The following PLEKHH2 variants were observed in gnomAD, a reference collection of about 807,000 sequenced individuals.
The protein encoded by PLEKHH2 is pleckstrin homology, MyTH4 and FERM domain containing H2.
A neutral mutation model predicts 187.9 loss-of-function variants in PLEKHH2; 129 were observed. The ratio of observed to expected loss-of-function variants is 0.69; its 90% CI spans 0.59 to 0.79. PLEKHH2 has a LOEUF of 0.79. Ranked by LOEUF, PLEKHH2 falls within the 30% of genes least tolerant of loss-of-function variation. The probability of loss-of-function intolerance (pLI) is 0.00; values close to 1 mark genes in which losing one functional copy is unlikely to be tolerated. For missense variants in PLEKHH2, 2,076 were observed against 1,751.2 expected (o/e 1.19, Z -3.31); for synonymous variants, 686 against 605.6 (o/e 1.13, Z -1.95).
At chr2:43,678,770 GGAGGTAGAATTAT>G (rs1668006936) in intron 2 of PLEKHH2, 80 bp from the exon 3 acceptor site, 2 of 913,978 alleles carry the variant, frequency 2.2e-6, no homozygotes, top group East Asian at 5.0e-5. Flanking sequence ...AGGTGGAGGT[GGAGGTAGAATTAT>G]GAGATTTTTA....
chr2:43,722,709 T>A (rs1670541069), intron 16 of PLEKHH2, among the ~76,000 whole-genome samples: 1 of 152,210 alleles, frequency 6.6e-6, no homozygotes, highest in African/African-American at 2.4e-5. Flanking sequence ...AATAATTATC[T>A]GTGATCACAG....
At chr2:43,638,087 G>A (rs1053575882) in intron 1 of PLEKHH2, among the ~76,000 whole-genome samples, 1 of 152,198 alleles carries the variant, frequency 6.6e-6, no homozygotes, top group African/African-American at 2.4e-5. Flanking sequence ...AGCCTGGCCC[G>A]CACAGCGGTG....
chr2:43,710,548 A>T lies in PLEKHH2; in HGVS notation c.2274A>T (p.Leu758Phe). 1 of 1,595,960 alleles carries T rather than the reference A, an allele frequency of 6.3e-7. No homozygotes were observed. Among genetic ancestry groups the T allele is most frequent in the African/African-American group, 1.4e-5 (1 of 73,286 alleles). Residue 758 changes from leucine to phenylalanine, a missense_variant, in exon 14 of 30, where the codon TTA becomes TTT. By Grantham distance (22) the Leu-to-Phe change is conservative. Coordinates refer to ENST00000282406, the MANE Select transcript of PLEKHH2 (RefSeq NM_172069.4). ...AACTTAGTGCATCCTGTAGTATTTT[A>T]AGAGGAGATAACAAACAAACAGTTC... ...HIELSASCSI[L>F]RGDNKQTVQL... is the part of the protein sequence containing the mutation.
chr2:43,733,279 C>G (rs1457666973), intron 19 of PLEKHH2, among the ~76,000 whole-genome samples: 3 of 150,812 alleles, frequency 2.0e-5, no homozygotes, highest in Non-Finnish European at 4.4e-5. Flanking sequence ...AGGAGAATCA[C>G]TTGAACCTAG....
chr2:43,762,811 T>C (rs1243044698), intron 28 of PLEKHH2, among the ~76,000 whole-genome samples: 2 of 152,360 alleles, frequency 1.3e-5, no homozygotes, highest in South Asian at 2.1e-4. Context: ...GTCATTTATA[T>C]AGCATCTTAG....
rs180970030 is a variant in PLEKHH2, at chr2:43,657,328, G to A, written c.123+12532G>A. On this transcript the variant is annotated intron_variant, in intron 2 of 29. Transcript: ENST00000282406. ...CAAGTAGTTGGGATTACAGGTGCAC[G>A]CCGCCACACCTTGATTTCACTCACA... is the stretch of plus-strand genomic sequence containing the variant. Among the ~76,000 whole-genome samples, 136 of 152,228 alleles carry A rather than the reference G, an allele frequency of 8.9e-4. No individual in the cohort carries two copies. In the East Asian group the frequency reaches 0.016, roughly 18 times the overall value.
At chr2:43,729,599 T>G (rs1347327137) in intron 17 of PLEKHH2, 38 bp from the exon 18 acceptor site, 1 of 1,363,960 alleles carries the variant, frequency 7.3e-7, no homozygotes, top group Non-Finnish European at 9.9e-7. Flanking sequence ...TAATCAAAAC[T>G]GTGTCTTAAC....
In PLEKHH2 at chr2:43,766,237, C is replaced by A. The variant is rs1672616902; in HGVS notation, c.*639C>A. Reference sequence around the variant, plus strand: ...AAAGTATACCGTCACCTTTTCACATCACTGGAGTGTAAAATTTAAAACAAG... The same window carrying A: ...AAAGTATACCGTCACCTTTTCACATAACTGGAGTGTAAAATTTAAAACAAG... On this transcript the variant is annotated 3_prime_UTR_variant, in exon 30 of 30. Coordinates refer to ENST00000282406, the MANE Select transcript of PLEKHH2 (RefSeq NM_172069.4). 6.5e-6 allele frequency: 1 copy of A among 152,778 alleles called. No homozygotes were observed. The highest frequency in any genetic ancestry group is 2.4e-5 in the African/African-American group (1 of 41,442). The allele number at this position is 152,778 out of a possible 1,614,324, so 9.5% of individuals were successfully genotyped here.
intron 24 of PLEKHH2, among the ~76,000 whole-genome samples, chr2:43,753,211 G>A (rs762450782): frequency 1.3e-5 from 2 of 152,098 alleles, no homozygotes; most frequent in Non-Finnish European, 2.9e-5. Context: ...GAACATTTAA[G>A]GATTTGGTGT....
At chr2:43,658,160 T>C (rs922166632) in intron 2 of PLEKHH2, among the ~76,000 whole-genome samples, 1 of 152,218 alleles carries the variant, frequency 6.6e-6, no homozygotes, top group African/African-American at 2.4e-5. Context: ...ACAGGGAGTG[T>C]ACTTTTATCT....
intron 3 of PLEKHH2, among the ~76,000 whole-genome samples, chr2:43,682,957 C>A (rs550478037): frequency 6.6e-6 from 1 of 151,954 alleles, no homozygotes; most frequent in East Asian, 1.9e-4. Flanking sequence ...CACACACACA[C>A]ACACAATTTG....
rs1451033684 is a variant in PLEKHH2 at position 43,692,635 on chromosome 2, A to C, written c.308A>C (p.Gln103Pro). The C allele has an allele frequency of 6.2e-7, 1 of 1,613,394 alleles. No homozygotes were observed. The highest frequency in any genetic ancestry group is 8.5e-7 in the Non-Finnish European group (1 of 1,179,778). ...ATACAGGAAAAAGATGACGTCATTC[A>C]AAACTTGGAATTGCAACTTGAAGAG... ...SLIQEKDDVI[Q>P]NLELQLEEQK... Residue 103 changes from glutamine (Q) to proline (P), a missense_variant, in exon 4 of 30, where the codon CAA becomes CCA. Coordinates refer to ENST00000282406, the MANE Select transcript of PLEKHH2 (RefSeq NM_172069.4).
In PLEKHH2 at chr2:43,710,007, G is replaced by A. The variant is rs188452228; in HGVS notation, c.1984G>A (p.Val662Met). The stretch of plus-strand genomic sequence containing the variant: ...TCTCTTAGGTGTGTCTCTCTCCTCT[G>A]TGGCTTCTGAAAGTGATTATGCTAT... ...AMKRGVSLSSVASESDYAIPP... is the reference protein window; with the variant it reads ...AMKRGVSLSSMASESDYAIPP... Residue 662 changes from valine to methionine, a missense_variant, in exon 12 of 30, where the codon GTG becomes ATG. Coordinates refer to ENST00000282406, the MANE Select transcript of PLEKHH2 (RefSeq NM_172069.4). The A allele has an allele frequency of 1.2e-4, 197 of 1,611,784 alleles. 1 individual carries two copies. Among genetic ancestry groups the A allele is most frequent in the Middle Eastern group, 6.6e-4 (4 of 6,072 alleles).
chr2:43,742,993 C>G, intron 22 of PLEKHH2, 75 bp downstream of exon 22: 2 of 1,207,486 alleles, frequency 1.7e-6, no homozygotes, highest in Non-Finnish European at 2.2e-6. Context: ...AGAGACTTCT[C>G]TGCTTACTTT....
At chr2:43,695,283 T>G (rs1669032059) in intron 6 of PLEKHH2, 59 bp downstream of exon 6, 2 of 926,378 alleles carry the variant, frequency 2.2e-6, no homozygotes, top group Non-Finnish European at 3.1e-6. Flanking sequence ...AGGCTTTTAC[T>G]TTTTTTGATG....
intron 2 of PLEKHH2, among the ~76,000 whole-genome samples, chr2:43,655,701 G>A (rs113381782): frequency 3.3e-5 from 5 of 152,302 alleles, no homozygotes; most frequent in African/African-American, 4.8e-5. Flanking sequence ...CTAAGGTTGT[G>A]TGGGGATGGG....
At chr2:43,660,446 T>C (rs1202455333) in intron 2 of PLEKHH2, among the ~76,000 whole-genome samples, 1 of 146,820 alleles carries the variant, frequency 6.8e-6, no homozygotes, top group East Asian at 1.9e-4. Flanking sequence ...TTTTTTTTTT[T>C]TTTTTTTTGC....
At chr2:43,712,093 A>G (rs1306346579) in intron 14 of PLEKHH2, 132 bp from the exon 15 acceptor site, 8 of 1,333,068 alleles carry the variant, frequency 6.0e-6, no homozygotes, top group Non-Finnish European at 8.1e-6. Flanking sequence ...TCATTTATTT[A>G]GAAACTGGGA....
intron 11 of PLEKHH2, 45 bp from the exon 12 acceptor site, chr2:43,709,945 C>A: frequency 6.5e-7 from 1 of 1,548,112 alleles, no homozygotes; most frequent in Non-Finnish European, 8.8e-7. Context: ...GTTTGGCCCT[C>A]CCCAGTATTA....
Sources: gnomAD v4.1 joint callset for allele counts (sites outside exome capture counted in the v4.1 genomes callset) on GRCh38, gnomAD v4.1.1 for gene constraint, MANE v1.5 for transcripts, NCBI Gene and HGNC (gene_info 2026-07-23, HGNC 2026-07-21) for gene names.